SMG6: variants seen among roughly 807,000 people sequenced by gnomAD.
SMG6 encodes the protein SMG6 nonsense mediated mRNA decay factor.
A neutral mutation model predicts 142.2 loss-of-function variants in SMG6; 66 were observed. The ratio of observed to expected loss-of-function variants is 0.46; its 90% CI spans 0.38 to 0.57. SMG6 has a LOEUF of 0.57. SMG6 is among the 20% of genes least tolerant of loss of function. The pLI, the probability that SMG6 is intolerant of heterozygous loss-of-function variation, is 0.00. For missense variants in SMG6, 1,793 were observed against 1,832.0 expected, an observed-to-expected ratio of 0.98 and a Z score of 0.39; for synonymous variants, 779 against 702.4, an observed-to-expected ratio of 1.11 and a Z score of -1.72.
chr17:2,279,366 G>A (rs1173310908), intron 8 of SMG6, among the ~76,000 whole-genome samples: 2 of 152,350 alleles, frequency 1.3e-5, no homozygotes, highest in South Asian at 2.1e-4. Context: ...GCAGGAGCCA[G>A]ATCATGAGGA....
At chr17:2,222,375 G>C (rs977528120) in intron 10 of SMG6, among the ~76,000 whole-genome samples, 1 of 151,924 alleles carries the variant, frequency 6.6e-6, no homozygotes, top group Non-Finnish European at 1.5e-5. Flanking sequence ...TCACCAGACA[G>C]ATGGCTGGAT....
chr17:2,180,487 C>T (rs1019748823), intron 12 of SMG6, among the ~76,000 whole-genome samples: 1 of 152,202 alleles, frequency 6.6e-6, no homozygotes, highest in Non-Finnish European at 1.5e-5. Flanking sequence ...AGGGAAGGCA[C>T]ACATGCCCAC....
chr17:2,196,150 G>C (rs947981448), intron 10 of SMG6, among the ~76,000 whole-genome samples: 1 of 152,222 alleles, frequency 6.6e-6, no homozygotes, highest in African/African-American at 2.4e-5. Flanking sequence ...GCCAGGCATG[G>C]TGACTCAACG....
rs536686006 is a variant in SMG6 at position 2,298,486 on chromosome 17, G to A, written c.1847+420C>T. Among the ~76,000 whole-genome samples, 89 of 152,240 alleles carry A rather than the reference G, an allele frequency of 5.8e-4. 2 individuals carry two copies. The South Asian group carries it at 8.5e-3, about 15-fold the overall frequency. On this transcript the variant is annotated intron_variant, in intron 2 of 18. Coordinates refer to ENST00000263073, the MANE Select transcript of SMG6 (RefSeq NM_017575.5). ...TGTAATCCCAGCACTTTGGGAGGCCGAGGCAGGCGGATCACGAGGTCAGGA... is the reference window on the plus strand; with the variant it reads ...TGTAATCCCAGCACTTTGGGAGGCCAAGGCAGGCGGATCACGAGGTCAGGA...
At position 2,287,944 on chromosome 17, in the gene SMG6, T is replaced by G. The variant is rs563134739; in HGVS notation, c.2338-4209A>C. 1.7e-4 allele frequency among the ~76,000 whole-genome samples: 26 copies of G among 152,302 alleles called. 1 individual carries two copies. The highest frequency in any genetic ancestry group is 3.4e-3 in the Middle Eastern group (1 of 294). ...TAATAGATATGGAGTTCCAGTTTTG[T>G]AAAATGAAAAGCATTCTGGAGGTTC... is the stretch of plus-strand genomic sequence containing the variant. On this transcript the variant is annotated intron_variant, in intron 6 of 18. Transcript: ENST00000263073.
intron 9 of SMG6, among the ~76,000 whole-genome samples, chr17:2,239,756 C>T (rs536551330): frequency 6.6e-6 from 1 of 152,220 alleles, no homozygotes; most frequent in East Asian, 1.9e-4. Context: ...ATACATCTTA[C>T]TTTTGTATTT....
At chr17:2,231,084 C>T (rs779196851) in intron 10 of SMG6, among the ~76,000 whole-genome samples, 1 of 152,134 alleles carries the variant, frequency 6.6e-6, no homozygotes, top group Non-Finnish European at 1.5e-5. Context: ...TTCTGACAAG[C>T]GGAGGATTAG....
intron 6 of SMG6, among the ~76,000 whole-genome samples, chr17:2,284,315 A>C (rs1267315959): frequency 3.3e-5 from 5 of 152,242 alleles, no homozygotes; most frequent in Admixed American, 6.5e-5. Flanking sequence ...CTCACACTTA[A>C]CTGTACTTAA....
chr17:2,202,005 G>C (rs4790884), intron 10 of SMG6, among the ~76,000 whole-genome samples: 57,334 of 151,840 alleles, frequency 0.38, 11,134 homozygotes, highest in Middle Eastern at 0.45. Context: ...GCTGGGGCAA[G>C]AGAGCGAGAC....
intron 8 of SMG6, among the ~76,000 whole-genome samples, chr17:2,259,971 T>C (rs780152304): frequency 1.6e-4 from 25 of 152,206 alleles, no homozygotes; most frequent in Admixed American, 7.2e-4. Flanking sequence ...TTGGCTACCT[T>C]GTGCGAGCTT....
chr17:2,294,986 C>T (rs1459698180), intron 4 of SMG6, among the ~76,000 whole-genome samples: 2 of 152,054 alleles, frequency 1.3e-5, no homozygotes, highest in Middle Eastern at 3.2e-3. Flanking sequence ...AAGCGATTCT[C>T]CTGTCTCAGC....
chr17:2,244,568 C>A, intron 9 of SMG6, 90 bp downstream of exon 9: 2 of 967,818 alleles, frequency 2.1e-6, no homozygotes, highest in Non-Finnish European at 1.6e-6. Context: ...CCTGTGCCCT[C>A]AGTTACAAAC....
At chr17:2,127,961 C>A in intron 13 of SMG6, 1 of 548,302 alleles carries the variant, frequency 1.8e-6, no homozygotes, top group Non-Finnish European at 3.6e-6. Flanking sequence ...TGCTGAGTAG[C>A]AAACCCATGG....
chr17:2,110,480 C>T (rs75365184), intron 13 of SMG6, among the ~76,000 whole-genome samples: 1,558 of 152,242 alleles, frequency 0.01, 12 homozygotes, highest in Non-Finnish European at 0.016. Context: ...CACACGCACA[C>T]GCACACACAC....
chr17:2,076,566 C>T (rs1365199408), intron 15 of SMG6, among the ~76,000 whole-genome samples: 1 of 152,216 alleles, frequency 6.6e-6, no homozygotes, highest in African/African-American at 2.4e-5. Flanking sequence ...GGGCCTTCAC[C>T]GGCCCTGTTT....
At chr17:2,277,153 A>G (rs1398909883) in intron 8 of SMG6, among the ~76,000 whole-genome samples, 1 of 83,448 alleles carries the variant, frequency 1.2e-5, no homozygotes, top group Non-Finnish European at 2.5e-5. Context: ...TTATTTATTT[A>G]TTTATTTATT....
At chr17:2,208,717 T>C (rs550806851) in intron 10 of SMG6, among the ~76,000 whole-genome samples, 67 of 152,214 alleles carry the variant, frequency 4.4e-4, no homozygotes, top group Admixed American at 2.3e-3. Flanking sequence ...CTATCAACTA[T>C]AAATCAAAGA....
intron 13 of SMG6, among the ~76,000 whole-genome samples, chr17:2,161,924 T>C (rs145638897): frequency 1.6e-4 from 24 of 152,296 alleles, no homozygotes; most frequent in African/African-American, 4.8e-4. Context: ...CCTTTAAATA[T>C]CTATGAAATG....
At chr17:2,236,674 C>G (rs1206938507) in intron 9 of SMG6, 37 bp from the exon 10 acceptor site, 1 of 1,581,080 alleles carries the variant, frequency 6.3e-7, no homozygotes, top group African/African-American at 1.4e-5. Flanking sequence ...AGGCACCTCT[C>G]TCTTTCAGTC....
Sources: gnomAD v4.1 joint callset for allele counts (sites outside exome capture counted in the v4.1 genomes callset) on GRCh38, gnomAD v4.1.1 for gene constraint, MANE v1.5 for transcripts, NCBI Gene and HGNC (gene_info 2026-07-23, HGNC 2026-07-21) for gene names.